N4BP2L1: variants seen among roughly 807,000 people sequenced by gnomAD.
N4BP2L1 encodes the protein NEDD4-binding protein 2-like 1.
Under a neutral mutation model 21.2 loss-of-function variants are expected in N4BP2L1, and 12 were observed. The ratio of observed to expected loss-of-function variants is 0.57; its 90% CI spans 0.36 to 0.92. The LOEUF (loss-of-function observed/expected upper bound fraction) is 0.92, where lower values mean the gene tolerates loss of function less well. N4BP2L1 is among the 40% of genes least tolerant of loss of function. N4BP2L1 has a pLI of 0.01. For synonymous variants in N4BP2L1, 104 were observed against 112.8 expected (o/e 0.92, Z 0.49); for missense variants, 259 against 310.6 (o/e 0.83, Z 1.25).
chr13:32,405,116 A>C (rs987059697), intron 3 of N4BP2L1, among the ~76,000 whole-genome samples: 1 of 152,202 alleles, frequency 6.6e-6, no homozygotes, highest in Non-Finnish European at 1.5e-5. Flanking sequence ...GCGCTTCTCA[A>C]CTGGGAAGGA....
intron 1 of N4BP2L1, among the ~76,000 whole-genome samples, chr13:32,422,878 A>G (rs897726842): frequency 1.3e-5 from 2 of 152,240 alleles, no homozygotes; most frequent in African/African-American, 4.8e-5. Flanking sequence ...CTAGATGACT[A>G]AAGATTTGAT....
At chr13:32,419,725 A>G (rs1352320902) in intron 1 of N4BP2L1, among the ~76,000 whole-genome samples, 2 of 151,786 alleles carry the variant, frequency 1.3e-5, no homozygotes, top group South Asian at 4.2e-4. Context: ...AGTCAATTAA[A>G]CCTCTTTCCT....
At chr13:32,415,188 C>T (rs1167633437) in intron 1 of N4BP2L1, among the ~76,000 whole-genome samples, 1 of 152,166 alleles carries the variant, frequency 6.6e-6, no homozygotes, top group Non-Finnish European at 1.5e-5. Flanking sequence ...CAAGAGGCTT[C>T]CATTCTTCAG....
In N4BP2L1 at chr13:32,410,327, T is replaced by C. The variant is rs2073783759; in HGVS notation, c.180-2555A>G. Among the ~76,000 whole-genome samples the C allele has an allele frequency of 2.6e-5, 4 of 152,218 alleles. No individual in the cohort carries two copies. In the South Asian group the frequency reaches 8.3e-4, roughly 32 times the overall value. The stretch of plus-strand genomic sequence containing the variant: ...AGGTCTCTTCACAGACCGCGGTATT[T>C]AAAGAGAACAAGACAAGAAGCTGCT... On this transcript the variant is annotated intron_variant, in intron 1 of 4. Transcript: ENST00000380130.
upstream of N4BP2L1, chr13:32,428,379 G>A (rs1262690091): frequency 3.8e-6 from 1 of 263,596 alleles, no homozygotes; most frequent in Non-Finnish European, 7.1e-6. Context: ...GGAGGGGAGG[G>A]GCCCCGTCTA....
chr13:32,427,129 G>A (rs1157954822), intron 1 of N4BP2L1, among the ~76,000 whole-genome samples: 2 of 152,266 alleles, frequency 1.3e-5, no homozygotes, highest in Non-Finnish European at 2.9e-5. Context: ...ATTCCCAGAG[G>A]TTGGGTACCG....
At chr13:32,407,523 T>A (rs190729690) in intron 2 of N4BP2L1, 122 bp downstream of exon 2, 277 of 1,594,010 alleles carry the variant, frequency 1.7e-4, no homozygotes, top group Admixed American at 1.4e-3. Flanking sequence ...GGTGTTCTGT[T>A]TTGGGGGAAA....
rs2073238770 is a variant in N4BP2L1, at chr13:32,402,983, T to G, written c.691A>C (p.Ser231Arg). Reference protein sequence around the residue: ...RRAHGGFTNESSYHRRGGCHH... With the variant: ...RRAHGGFTNERSYHRRGGCHH... Reference sequence around the variant, plus strand: ...CAACCGCCCCTTCTGTGATAGGAGCTCTCATTTGTAAATCCACCGTGGGCC... The same window carrying G: ...CAACCGCCCCTTCTGTGATAGGAGCGCTCATTTGTAAATCCACCGTGGGCC... The change falls in exon 5 of 5, where the codon AGC (serine) becomes CGC (arginine). Residue 231 changes from serine to arginine, a missense_variant. Ser to Arg is a moderately radical substitution (Grantham distance 110, BLOSUM62 -1). This residue lies in a region of N4BP2L1 where 108 missense variants were observed against 107.8 expected (regional missense o/e 1.00). Transcript: ENST00000380130. The G allele has an allele frequency of 1.2e-6, 2 of 1,613,662 alleles. No homozygotes were observed. The highest frequency in any genetic ancestry group is 8.5e-7 in the Non-Finnish European group (1 of 1,179,778).
chr13:32,407,704 C>T lies in N4BP2L1; in HGVS notation c.248G>A (p.Gly83Asp). The T allele has an allele frequency of 3.1e-6, 5 of 1,612,362 alleles. No individual in the cohort carries two copies. The highest frequency in any genetic ancestry group is 4.2e-6 in the Non-Finnish European group (5 of 1,179,394). ...STDDFFFRED[G>D]AYEFNPDFLE... Reference sequence around the variant, plus strand: ...GAAGTCAGGATTGAACTCATAGGCACCATCTTCCCTGAAGAAAAAATCATC... The same window carrying T: ...GAAGTCAGGATTGAACTCATAGGCATCATCTTCCCTGAAGAAAAAATCATC... The change falls in exon 2 of 5, where the codon GGT becomes GAT. Residue 83 changes from glycine (G) to aspartate (D), a missense_variant. Gly to Asp is a moderately conservative substitution (Grantham distance 94). Around this residue, in one of 3 missense-constraint regions of N4BP2L1, gnomAD observed 91 missense variants for 148.1 expected, o/e 0.61. Coordinates refer to ENST00000380130, the MANE Select transcript of N4BP2L1 (RefSeq NM_052818.3).
chr13:32,404,544 G>T, intron 3 of N4BP2L1, 147 bp from the exon 4 acceptor site: 1 of 630,702 alleles, frequency 1.6e-6, no homozygotes, highest in Non-Finnish European at 2.7e-6. Flanking sequence ...CACAATAAAT[G>T]CAGTTGTTTC....
At chr13:32,428,220 A>C, upstream of N4BP2L1, 1 of 814,886 alleles carries the variant, frequency 1.2e-6, no homozygotes, top group Non-Finnish European at 1.7e-6. Flanking sequence ...CCTCCTTTCC[A>C]CCCGCCGGAA....
chr13:32,404,208 C>G (rs2073331241), intron 4 of N4BP2L1, 113 bp downstream of exon 4: 1 of 1,607,062 alleles, frequency 6.2e-7, no homozygotes, highest in Non-Finnish European at 8.5e-7. Context: ...ATTACCATTT[C>G]TGGCCTGAAA....
At chr13:32,420,135 C>T (rs902756298) in intron 1 of N4BP2L1, among the ~76,000 whole-genome samples, 1 of 152,256 alleles carries the variant, frequency 6.6e-6, no homozygotes, top group East Asian at 1.9e-4. Flanking sequence ...CTTCTCTTAC[C>T]TTTACCCCTC....
intron 1 of N4BP2L1, among the ~76,000 whole-genome samples, chr13:32,409,719 G>C (rs1213292058): frequency 6.6e-6 from 1 of 152,126 alleles, no homozygotes; most frequent in Non-Finnish European, 1.5e-5. Context: ...ATGCAAGTTT[G>C]ACTTGGTCCC....
At chr13:32,403,227 TA>T in intron 4 of N4BP2L1, 27 bp from the exon 5 acceptor site, 1 of 1,562,356 alleles carries the variant, frequency 6.4e-7, no homozygotes, top group Non-Finnish European at 8.7e-7. Context: ...TGCATTTAGT[TA>T]AGGCAGGATA....
intron 3 of N4BP2L1, chr13:32,406,930 A>G (rs2073547750): frequency 2.0e-5 from 7 of 358,762 alleles, no homozygotes; most frequent in South Asian, 1.8e-4. Flanking sequence ...TATTGATCTG[A>G]ACATTTCGGT....
At chr13:32,426,366 T>C (rs2074763026) in intron 1 of N4BP2L1, among the ~76,000 whole-genome samples, 1 of 152,074 alleles carries the variant, frequency 6.6e-6, no homozygotes, top group African/African-American at 2.4e-5. Flanking sequence ...TATCACAAAA[T>C]AACCAACTGC....
At chr13:32,407,179 G>A in intron 3 of N4BP2L1, 71 bp downstream of exon 3, 1 of 1,435,188 alleles carries the variant, frequency 7.0e-7, no homozygotes, top group Non-Finnish European at 9.8e-7. Flanking sequence ...AGAAAAAGAG[G>A]AAAGAACAGA....
In N4BP2L1 at chr13:32,403,208, GA is replaced by G. The variant is rs763452748; in HGVS notation, c.474-9del. ...ACACCATGAATGTTTCTTCTACATG[GA>G]AAAAAAATGCATTTAGTTAAGGCAG... On this transcript the variant is annotated splice_polypyrimidine_tract_variant and intron_variant, in intron 4 of 4. Transcript: ENST00000380130. 34 of 1,571,036 alleles carry G rather than the reference GA, an allele frequency of 2.2e-5. No homozygotes were observed. The highest frequency in any genetic ancestry group is 1.1e-4 in the South Asian group (9 of 84,400).
Sources: allele counts gnomAD v4.1 joint callset (sites outside exome capture counted in the v4.1 genomes callset), GRCh38; gene constraint gnomAD v4.1.1; regional missense constraint gnomAD v4.1.1; transcripts MANE v1.5; gene names NCBI Gene and HGNC (gene_info 2026-07-23, HGNC 2026-07-21).